VPS72: variants seen among roughly 807,000 people sequenced by gnomAD.
The protein encoded by VPS72 is vacuolar protein sorting-associated protein 72 homolog.
A neutral mutation model predicts 38.9 loss-of-function variants in VPS72; 27 were observed. The ratio of observed to expected loss-of-function variants is 0.69; its 90% CI spans 0.51 to 0.96. The LOEUF (loss-of-function observed/expected upper bound fraction) is 0.96. Among genes scored for constraint, VPS72 ranks in the 40% least tolerant of loss-of-function variants. The pLI, the probability that VPS72 is intolerant of heterozygous loss-of-function variation, is 0.00. For synonymous variants in VPS72, 173 were observed against 186.3 expected (o/e 0.93, Z 0.58); for missense variants, 360 against 479.5 (o/e 0.75, Z 2.33).
intron 5 of VPS72, 45 bp from the exon 6 acceptor site, chr1:151,177,076 A>G (rs913631383): frequency 1.7e-5 from 26 of 1,503,622 alleles, no homozygotes; most frequent in Non-Finnish European, 2.2e-5. Flanking sequence ...TGAGGAGAGA[A>G]GACAACAGAT....
rs1418936273 is a variant in VPS72, at chr1:151,190,103, G to T, written c.19C>A (p.Arg7=). MSLAGG[R]APRKTAGNRL... ...TTCCCAGCGGTCTTCCGGGGTGCCC[G>T]GCCCCCAGCCAAACTCATACCGCCT... Residue 7 remains arginine (R), a synonymous_variant, in exon 1 of 6, where the codon CGG becomes AGG. Transcript: ENST00000368892. 1 of 1,613,894 alleles carries T rather than the reference G, an allele frequency of 6.2e-7. No homozygotes were observed. The highest frequency in any genetic ancestry group is 1.7e-5 in the Admixed American group (1 of 60,004).
chr1:151,186,658 A>C (rs1378563944), intron 1 of VPS72, among the ~76,000 whole-genome samples: 1 of 152,190 alleles, frequency 6.6e-6, no homozygotes, highest in Non-Finnish European at 1.5e-5. Flanking sequence ...TCATGGGCAG[A>C]TGAAATAGCA....
At position 151,178,140 on chromosome 1, in the gene VPS72, A is replaced by G. The variant is rs775743639; in HGVS notation, c.568T>C (p.Tyr190His). The G allele has an allele frequency of 4.0e-5, 65 of 1,613,506 alleles. No individual in the cohort carries two copies. The highest frequency in any genetic ancestry group is 5.3e-5 in the Non-Finnish European group (63 of 1,179,962). Residue 190 changes from tyrosine (Y) to histidine (H), a missense_variant, in exon 5 of 6, where the codon TAT (tyrosine) becomes CAT (histidine). Coordinates refer to ENST00000368892, the MANE Select transcript of VPS72 (RefSeq NM_005997.3). ...EELNLRSLET[Y>H]ERLEADKKKQ... The stretch of plus-strand genomic sequence containing the variant: ...TTTTTATCAGCCTCGAGCCGCTCAT[A>G]TGTCTCTTTAGGGTCAAAGGAAGAA...
Position 151,189,986 on chromosome 1 carries a change from T to G in VPS72, c.117+19A>C, listed in dbSNP as rs1333103087. The G allele has an allele frequency of 3.1e-6, 5 of 1,613,332 alleles. No individual in the cohort carries two copies. The highest frequency in any genetic ancestry group is 1.3e-5 in the African/African-American group (1 of 74,830). On this transcript the variant is annotated intron_variant, in intron 1 of 5. Transcript: ENST00000368892. ...CCTCTTTGCCTCCTCCCCTCCCTTT[T>G]CCCAGGCCCGGATCTTGCCTCTGTG...
At chr1:151,186,384 C>T (rs1433691859) in intron 1 of VPS72, among the ~76,000 whole-genome samples, 1 of 151,868 alleles carries the variant, frequency 6.6e-6, no homozygotes, top group Non-Finnish European at 1.5e-5. Context: ...CATGGTGAAA[C>T]TCTGTCTCTA....
In VPS72 at chr1:151,176,676, G is replaced by A. The variant is rs1202597522; in HGVS notation, c.1063C>T (p.Arg355Ter). The A allele has an allele frequency of 6.2e-7, 1 of 1,613,862 alleles. No homozygotes were observed. The highest frequency in any genetic ancestry group is 1.3e-5 in the African/African-American group (1 of 74,910). Residue 355 changes from arginine to a stop codon, truncating the protein, a stop_gained, in exon 6 of 6, where the codon CGA (arginine) becomes TGA (stop). Transcript: ENST00000368892. LOFTEE classifies it high-confidence loss of function. Reference sequence around the variant, plus strand: ...ATGACAATTTTCTGGCGCAAGGCTCGGGGCCCAGAGCCAGGGAGGGGCTCA... The same window carrying A: ...ATGACAATTTTCTGGCGCAAGGCTCAGGGCCCAGAGCCAGGGAGGGGCTCA... The part of the protein sequence containing the change: ...PPEPLPGSGP[R>*]ALRQKIVIK
At chr1:151,185,478 G>T in intron 3 of VPS72, 28 bp downstream of exon 3, 2 of 1,593,862 alleles carry the variant, frequency 1.3e-6, no homozygotes, top group Non-Finnish European at 1.7e-6. Flanking sequence ...TTCCAATTTT[G>T]CCAATTGACC....
intron 1 of VPS72, among the ~76,000 whole-genome samples, chr1:151,186,300 T>C (rs1265601711): frequency 6.6e-6 from 1 of 151,950 alleles, no homozygotes; most frequent in African/African-American, 2.4e-5. Context: ...GGCTCACGCC[T>C]GTAATCCCAG....
Position 151,178,087 on chromosome 1 carries a change from G to A in VPS72, c.621C>T (p.Cys207=), listed in dbSNP as rs1366022594. 1.2e-6 allele frequency: 2 copies of A among 1,614,092 alleles called. No homozygotes were observed. Among genetic ancestry groups the A allele is most frequent in the Non-Finnish European group, 1.7e-6 (2 of 1,180,024 alleles). The change falls in exon 5 of 6, where the codon TGC becomes TGT. Residue 207 remains cysteine (C), a synonymous_variant. Coordinates refer to ENST00000368892, the MANE Select transcript of VPS72 (RefSeq NM_005997.3). ...KKKQVHKKRK[C]PGPIITYHSV... ...AATGATAGGTGATTATGGGCCCGGGGCACTTCCGCTTCTTATGAACCTGCT... is the reference window on the plus strand; with the variant it reads ...AATGATAGGTGATTATGGGCCCGGGACACTTCCGCTTCTTATGAACCTGCT...
rs1684330252 is a variant in VPS72 at position 151,185,525 on chromosome 1, T to C, written c.366A>G (p.Leu122=). 3.1e-6 allele frequency: 5 copies of C among 1,614,070 alleles called. No homozygotes were observed. Among genetic ancestry groups the C allele is most frequent in the Admixed American group, 1.7e-5 (1 of 59,990 alleles). ...REEKALLPLE[L]QDDGSDSRKS... ...ACTCACTGTCAGAGCCGTCATCTTG[T>C]AGTTCTAATGGCAGTAGTGCCTTCT... The change falls in exon 3 of 6, where the codon CTA becomes CTG. Residue 122 remains leucine, a synonymous_variant. Transcript: ENST00000368892.
Position 151,178,038 on chromosome 1 carries a change from C to T in VPS72, c.670G>A (p.Glu224Lys). ...YHSVTVPLVG[E>K]PGPKEENVDI... ...ACGTTCTCTTCCTTGGGGCCTGGCTCCCCAACAAGTGGCACTGTCACTGAA... is the reference window on the plus strand; with the variant it reads ...ACGTTCTCTTCCTTGGGGCCTGGCTTCCCAACAAGTGGCACTGTCACTGAA... The change falls in exon 5 of 6, where the codon GAG becomes AAG. Residue 224 changes from glutamate (E) to lysine (K), a missense_variant. By Grantham distance (56) the Glu-to-Lys change is moderately conservative. This residue lies in a region of VPS72 where 294 missense variants were observed against 356.3 expected (regional missense o/e 0.83). Coordinates refer to ENST00000368892, the MANE Select transcript of VPS72 (RefSeq NM_005997.3). The T allele has an allele frequency of 6.2e-7, 1 of 1,614,072 alleles. No homozygotes were observed. Among genetic ancestry groups the T allele is most frequent in the Non-Finnish European group, 8.5e-7 (1 of 1,180,000 alleles).
intron 4 of VPS72, among the ~76,000 whole-genome samples, chr1:151,178,705 A>G (rs116607160): frequency 1.9e-3 from 288 of 152,204 alleles, no homozygotes; most frequent in African/African-American, 6.7e-3. Flanking sequence ...CAACAAGAAA[A>G]TCTCGCAACC....
At chr1:151,189,899 C>T in intron 1 of VPS72, 106 bp downstream of exon 1, 1 of 1,336,638 alleles carries the variant, frequency 7.5e-7, no homozygotes, top group Non-Finnish European at 1.0e-6. Flanking sequence ...GTATCAGCTC[C>T]CAGAGCTCCT....
In VPS72 at chr1:151,176,610, G is replaced by A. The variant is rs187267497; in HGVS notation, c.*34C>T. Reference sequence around the variant, plus strand: ...CGGAACAGCAAGAGCCCCAATCAGGGCAGGAAAGAAGTTTCTGAGGACTAG... The same window carrying A: ...CGGAACAGCAAGAGCCCCAATCAGGACAGGAAAGAAGTTTCTGAGGACTAG... On this transcript the variant is annotated 3_prime_UTR_variant, in exon 6 of 6. Coordinates refer to ENST00000368892, the MANE Select transcript of VPS72 (RefSeq NM_005997.3). 2.1e-5 allele frequency: 34 copies of A among 1,603,654 alleles called. No individual in the cohort carries two copies. The highest frequency in any genetic ancestry group is 1.2e-4 in the Admixed American group (7 of 59,270).
At chr1:151,180,978 A>G (rs1684225732) in intron 4 of VPS72, among the ~76,000 whole-genome samples, 1 of 152,146 alleles carries the variant, frequency 6.6e-6, no homozygotes, top group Non-Finnish European at 1.5e-5. Context: ...TAGCTTTCAG[A>G]GCACTGCTTT....
chr1:151,183,400 C>T (rs1255733201), intron 4 of VPS72, among the ~76,000 whole-genome samples: 6 of 109,022 alleles, frequency 5.5e-5, no homozygotes, highest in African/African-American at 1.4e-4. Flanking sequence ...CCAGCCTGGG[C>T]GACAGAGTAA....
chr1:151,187,083 T>C (rs2101729917), intron 1 of VPS72, among the ~76,000 whole-genome samples: 1 of 152,178 alleles, frequency 6.6e-6, no homozygotes, highest in Non-Finnish European at 1.5e-5. Context: ...GGAGGGGTAA[T>C]GGTATGTACA....
rs374993297 is a variant in VPS72, at chr1:151,178,027, G to T, written c.681C>A (p.Pro227=). 3 of 1,614,012 alleles carry T rather than the reference G, an allele frequency of 1.9e-6. No homozygotes were observed. Among genetic ancestry groups the T allele is most frequent in the Non-Finnish European group, 2.5e-6 (3 of 1,180,000 alleles). The change falls in exon 5 of 6, where the codon CCC becomes CCA. Residue 227 remains proline, a synonymous_variant. Coordinates refer to ENST00000368892, the MANE Select transcript of VPS72 (RefSeq NM_005997.3). ...VTVPLVGEPG[P]KEENVDIEGL... ...CTTCTATGTCAACGTTCTCTTCCTT[G>T]GGGCCTGGCTCCCCAACAAGTGGCA... is the stretch of plus-strand genomic sequence containing the variant.
At chr1:151,184,567 G>A in intron 3 of VPS72, 74 bp from the exon 4 acceptor site, 1 of 1,357,270 alleles carries the variant, frequency 7.4e-7, no homozygotes, top group Non-Finnish European at 9.8e-7. Context: ...TTGAAATGTT[G>A]TACTTGGAAA....
Sources: allele counts gnomAD v4.1 joint callset (sites outside exome capture counted in the v4.1 genomes callset), GRCh38; gene constraint gnomAD v4.1.1; regional missense constraint gnomAD v4.1.1; transcripts MANE v1.5; gene names NCBI Gene and HGNC (gene_info 2026-07-23, HGNC 2026-07-21).